KCNH1: variants seen among roughly 807,000 people sequenced by gnomAD.
KCNH1 encodes the protein potassium voltage-gated channel subfamily H member 1.
KCNH1 carries 27 observed loss-of-function variants against 69.2 expected under a neutral mutation model. The observed-to-expected ratio is 0.39, with a 90% CI of 0.29 to 0.54. The LOEUF is 0.54. KCNH1 is among the 20% of genes least tolerant of loss of function. The pLI is 0.68. For synonymous variants in KCNH1, 456 were observed against 487.7 expected (o/e 0.93, Z 0.86); for missense variants, 798 against 1,261.6 (o/e 0.63, Z 5.57).
intron 7 of KCNH1, among the ~76,000 whole-genome samples, chr1:210,826,629 C>T (rs1190816490): frequency 2.0e-5 from 3 of 152,180 alleles, no homozygotes; most frequent in Admixed American, 6.5e-5. Flanking sequence ...AAGCTAGCAA[C>T]CCCCAGTTCA....
At chr1:211,028,150 G>A (rs748505634) in intron 5 of KCNH1, among the ~76,000 whole-genome samples, 14 of 151,920 alleles carry the variant, frequency 9.2e-5, no homozygotes, top group Admixed American at 7.9e-4. Context: ...AGCTACAATG[G>A]AATCACACTA....
intron 7 of KCNH1, among the ~76,000 whole-genome samples, chr1:210,823,709 T>TA (rs1356940745): frequency 6.6e-6 from 1 of 152,208 alleles, no homozygotes; most frequent in Non-Finnish European, 1.5e-5. Context: ...TTATCATCTC[T>TA]ATTTTAAATA....
chr1:210,949,471 T>C (rs1208933011), intron 6 of KCNH1, among the ~76,000 whole-genome samples: 1 of 152,190 alleles, frequency 6.6e-6, no homozygotes, highest in East Asian at 1.9e-4. Flanking sequence ...TTAAGCAAAG[T>C]GAACATAGTT....
At chr1:210,711,920 G>A (rs1454713041) in intron 10 of KCNH1, among the ~76,000 whole-genome samples, 1 of 152,176 alleles carries the variant, frequency 6.6e-6, no homozygotes, top group Non-Finnish European at 1.5e-5. Flanking sequence ...TGGACCCCAG[G>A]CTTAGACAGT....
chr1:210,884,355 TG>T (rs1686559410), intron 7 of KCNH1, among the ~76,000 whole-genome samples: 1 of 152,052 alleles, frequency 6.6e-6, no homozygotes, highest in Non-Finnish European at 1.5e-5. Context: ...ACCTGCAGCC[TG>T]TCTGGAGGTT....
intron 6 of KCNH1, among the ~76,000 whole-genome samples, chr1:210,999,341 G>A (rs975542694): frequency 5.3e-5 from 8 of 152,038 alleles, no homozygotes; most frequent in East Asian, 1.9e-4. Context: ...TATCACCACC[G>A]ATCCCACAGA....
At chr1:210,942,144 A>C (rs906156255) in intron 6 of KCNH1, among the ~76,000 whole-genome samples, 45 of 152,386 alleles carry the variant, frequency 3.0e-4, no homozygotes, top group South Asian at 6.2e-4. Flanking sequence ...AGAAGTAAGT[A>C]AACATACTTA....
At chr1:211,029,400 G>GA (rs1018603373) in intron 5 of KCNH1, among the ~76,000 whole-genome samples, 30 of 100,612 alleles carry the variant, frequency 3.0e-4, no homozygotes, top group South Asian at 6.8e-4. Flanking sequence ...GCTCAATATT[G>GA]AAAAAAAAAG....
At chr1:211,012,894 A>C (rs967188059) in intron 6 of KCNH1, among the ~76,000 whole-genome samples, 2 of 152,292 alleles carry the variant, frequency 1.3e-5, no homozygotes, top group South Asian at 2.1e-4. Context: ...AGGGGAGGGG[A>C]GGGTGGTCTC....
Position 210,814,170 on chromosome 1 carries a change from C to T in KCNH1, c.1463-10004G>A, listed in dbSNP as rs145005498. Reference sequence around the variant, plus strand: ...AGATCAATCCAGCATAGGAGGAGGACGCACAGGAGAATGCTGAGTCTATGC... The same window carrying T: ...AGATCAATCCAGCATAGGAGGAGGATGCACAGGAGAATGCTGAGTCTATGC... On this transcript the variant is annotated intron_variant, in intron 7 of 10. Coordinates refer to ENST00000271751, the MANE Select transcript of KCNH1 (RefSeq NM_172362.3). Among the ~76,000 whole-genome samples, 105 of 152,222 alleles carry T rather than the reference C, an allele frequency of 6.9e-4. No homozygotes were observed. The South Asian group carries it at 8.3e-3, about 12-fold the overall frequency.
At chr1:211,107,787 C>T (rs555205382) in intron 1 of KCNH1, among the ~76,000 whole-genome samples, 2 of 152,292 alleles carry the variant, frequency 1.3e-5, no homozygotes, top group Admixed American at 6.5e-5. Context: ...CCTTTTCAGT[C>T]TTTTGGCCAG....
chr1:210,686,485 G>A (rs1389186860), intron 10 of KCNH1, among the ~76,000 whole-genome samples: 2 of 152,134 alleles, frequency 1.3e-5, no homozygotes, highest in African/African-American at 2.4e-5. Context: ...TCTATTTGTA[G>A]TAGGGAGGCC....
intron 7 of KCNH1, among the ~76,000 whole-genome samples, chr1:210,821,294 A>G (rs1031679705): frequency 1.3e-5 from 2 of 152,198 alleles, no homozygotes; most frequent in African/African-American, 4.8e-5. Flanking sequence ...ATCACCATTT[A>G]GTCCATAGCA....
At chr1:210,735,235 C>A (rs868090794) in intron 10 of KCNH1, among the ~76,000 whole-genome samples, 1 of 152,130 alleles carries the variant, frequency 6.6e-6, no homozygotes, top group African/African-American at 2.4e-5. Flanking sequence ...TGTGAGCCCC[C>A]CTGCCTCCAT....
intron 6 of KCNH1, among the ~76,000 whole-genome samples, chr1:210,949,939 G>T (rs1003275628): frequency 2.0e-5 from 3 of 152,180 alleles, no homozygotes; most frequent in Non-Finnish European, 4.4e-5. Context: ...TGGAAAAACG[G>T]CAAATCAACC....
rs1689836793 is a variant in KCNH1 at position 211,033,644 on chromosome 1, C to T, written c.559-14388G>A. The stretch of plus-strand genomic sequence containing the variant: ...ATGGATGAAACTGGAAACCATCATT[C>T]TCAACAAACTATGGCAAGGACAAAA... On this transcript the variant is annotated intron_variant, in intron 5 of 10. Transcript: ENST00000271751. Among the ~76,000 whole-genome samples the T allele has an allele frequency of 2.0e-5, 3 of 152,086 alleles. No individual in the cohort carries two copies. In the South Asian group the frequency reaches 6.2e-4, roughly 32 times the overall value.
intron 9 of KCNH1, among the ~76,000 whole-genome samples, chr1:210,780,626 T>A (rs1310067988): frequency 6.6e-6 from 1 of 152,168 alleles, no homozygotes; most frequent in Non-Finnish European, 1.5e-5. Context: ...AAGATTAATG[T>A]CTGAGCTGCA....
chr1:210,876,494 T>C (rs1404459075), intron 7 of KCNH1, among the ~76,000 whole-genome samples: 1 of 152,176 alleles, frequency 6.6e-6, no homozygotes, highest in African/African-American at 2.4e-5. Context: ...TCTGCCATAA[T>C]GGGACAGGTT....
At chr1:210,925,388 A>C (rs778352273) in intron 6 of KCNH1, among the ~76,000 whole-genome samples, 56 of 152,266 alleles carry the variant, frequency 3.7e-4, no homozygotes, top group Non-Finnish European at 5.9e-4. Flanking sequence ...CCTTTGAAGG[A>C]ACTTGATCAC....
Sources: allele counts gnomAD v4.1 joint callset (sites outside exome capture counted in the v4.1 genomes callset), GRCh38; gene constraint gnomAD v4.1.1; transcripts MANE v1.5; gene names NCBI Gene and HGNC (gene_info 2026-07-23, HGNC 2026-07-21).